PCDH19: variants seen among roughly 807,000 people sequenced by gnomAD.
The protein encoded by PCDH19 is protocadherin-19.
PCDH19 carries 6 observed loss-of-function variants against 46.2 expected under a neutral mutation model. The observed-to-expected ratio is 0.13, with a 90% confidence interval of 0.07 to 0.26. The LOEUF is 0.26. PCDH19 is among the 10% of genes least tolerant of loss of function. The pLI is 1.00. For missense variants in PCDH19, 740 were observed against 972.3 expected (o/e 0.76, Z 3.18); for synonymous variants, 481 against 415.7 (o/e 1.16, Z -1.91).
intron 5 of PCDH19, among the ~76,000 whole-genome samples, chrX:100,340,258 T>C (rs1453429864): frequency 8.9e-6 from 1 of 112,135 alleles, no homozygotes; most frequent in Admixed American, 9.5e-5. Flanking sequence ...AGAAACACTC[T>C]CTCAGAAAAA....
At chrX:100,362,313 G>C (rs1442294830) in intron 3 of PCDH19, among the ~76,000 whole-genome samples, 1 of 111,523 alleles carries the variant, frequency 9.0e-6, no homozygotes, top group Non-Finnish European at 1.9e-5. Context: ...CTATTTGATA[G>C]CAAAGAAACA....
chrX:100,404,123 A>C, intron 1 of PCDH19, among the ~76,000 whole-genome samples: 1 of 111,967 alleles, frequency 8.9e-6, no homozygotes, highest in Middle Eastern at 4.6e-3. Context: ...TAGAAAAAGA[A>C]ACCTCTGCCT....
chrX:100,362,732 G>C (rs989847841), intron 3 of PCDH19, among the ~76,000 whole-genome samples: 1 of 107,357 alleles, frequency 9.3e-6, no homozygotes, highest in Non-Finnish European at 1.9e-5. Context: ...AGGAGGCAGG[G>C]CTTGCAGTGA....
chrX:100,311,225 G>A (rs1925123179), intron 5 of PCDH19, among the ~76,000 whole-genome samples: 1 of 111,294 alleles, frequency 9.0e-6, no homozygotes, highest in Non-Finnish European at 1.9e-5. Context: ...TGGAAAATAA[G>A]GAAACTGCTA....
At chrX:100,382,019 G>A (rs1348946699) in intron 3 of PCDH19, among the ~76,000 whole-genome samples, 1 of 110,057 alleles carries the variant, frequency 9.1e-6, no homozygotes, top group African/African-American at 3.3e-5. Context: ...AGCCTGTACT[G>A]AAATGAACAG....
chrX:100,320,570 C>T (rs1225914000), intron 5 of PCDH19, among the ~76,000 whole-genome samples: 2 of 111,156 alleles, frequency 1.8e-5, no homozygotes, highest in African/African-American at 3.3e-5. Context: ...ACCAAAATGC[C>T]CATATAGTAC....
At chrX:100,312,508 C>T (rs1242273367) in intron 5 of PCDH19, among the ~76,000 whole-genome samples, 1 of 111,481 alleles carries the variant, frequency 9.0e-6, no homozygotes, top group Admixed American at 9.5e-5. Flanking sequence ...GATTCTTTTT[C>T]CATTTGTCCG....
At chrX:100,405,590 A>C in intron 1 of PCDH19, among the ~76,000 whole-genome samples, 1 of 82,400 alleles carries the variant, frequency 1.2e-5, no homozygotes, top group African/African-American at 5.0e-5. Context: ...ACAGACACAC[A>C]CACATCCTTC....
intron 3 of PCDH19, among the ~76,000 whole-genome samples, chrX:100,378,962 C>T (rs1043875816): frequency 5.4e-5 from 6 of 111,416 alleles, no homozygotes; most frequent in Non-Finnish European, 9.4e-5. Context: ...ACATGGATCA[C>T]TCTCTGCAGC....
chrX:100,356,009 C>CTTTAA (rs912756085), intron 3 of PCDH19, among the ~76,000 whole-genome samples: 4 of 108,100 alleles, frequency 3.7e-5, no homozygotes, highest in African/African-American at 1.4e-4. Context: ...GAAGGAAGCC[C>CTTTAA]AATAAATGCA....
chrX:100,348,083 A>AAAAGAAAG (rs1254722519), intron 4 of PCDH19, among the ~76,000 whole-genome samples: 2 of 106,538 alleles, frequency 1.9e-5, no homozygotes, highest in African/African-American at 7.0e-5. Context: ...AAAAAAAAAA[A>AAAAGAAAG]AAAGAAAGAA....
chrX:100,391,033 G>A (rs1927847170), intron 3 of PCDH19, among the ~76,000 whole-genome samples: 1 of 111,945 alleles, frequency 8.9e-6, no homozygotes, highest in Admixed American at 9.5e-5. Flanking sequence ...TGCATTAGAA[G>A]TTGCATAATT....
chrX:100,405,562 T>TCCC (rs376813599), intron 1 of PCDH19, among the ~76,000 whole-genome samples: 69 of 58,205 alleles, frequency 1.2e-3, no homozygotes, highest in Non-Finnish European at 1.4e-3. Context: ...TCTCTCTCCC[T>TCCC]CCCCCCCCCA....
At chrX:100,334,926 A>G (rs1056526011) in intron 5 of PCDH19, among the ~76,000 whole-genome samples, 20 of 110,730 alleles carry the variant, frequency 1.8e-4, no homozygotes, top group African/African-American at 5.9e-4. Flanking sequence ...TAGATATGCT[A>G]TAACACAATA....
chrX:100,294,129 A>G lies in PCDH19; in HGVS notation c.*2148T>C, dbSNP rs1426946676. On this transcript the variant is annotated 3_prime_UTR_variant, in exon 6 of 6. Transcript: ENST00000373034. ...TAACTTAAAGGGGAAATTTTTAAAA[A>G]ATTTTTAATGTGTTAATCAAATAGT... 1 of 112,193 alleles carries G rather than the reference A, an allele frequency of 8.9e-6. No individual in the cohort carries two copies. The highest frequency in any genetic ancestry group is 1.9e-5 in the Non-Finnish European group (1 of 53,257). The allele number at this position is 112,193 out of a possible 1,213,427, so 9.2% of individuals were successfully genotyped here. A position where few individuals can be genotyped will look rare whatever the true frequency, so the allele number is the denominator to read the frequency against.
chrX:100,408,768 G>A lies in PCDH19; in HGVS notation c.-171C>T, dbSNP rs1928495305. On this transcript the variant is annotated 5_prime_UTR_variant, in exon 1 of 6. Transcript: ENST00000373034. ...GCCCGGCGGCGCGCGGGGGACACCCGCGGCGGCTCCAATGCTGAGGTTGCG... is the reference window on the plus strand; with the variant it reads ...GCCCGGCGGCGCGCGGGGGACACCCACGGCGGCTCCAATGCTGAGGTTGCG... The A allele has an allele frequency of 4.4e-6, 1 of 227,703 alleles. No homozygotes were observed. The highest frequency in any genetic ancestry group is 7.5e-6 in the Non-Finnish European group (1 of 133,345). 18.8% of individuals were successfully genotyped at this position (227,703 alleles called of 1,213,427 possible). A position where few individuals can be genotyped will look rare whatever the true frequency, so the allele number is the denominator to read the frequency against.
intron 5 of PCDH19, among the ~76,000 whole-genome samples, chrX:100,298,562 A>G (rs750436177): frequency 8.9e-6 from 1 of 111,890 alleles, no homozygotes; most frequent in Non-Finnish European, 1.9e-5. Context: ...AACATCATGA[A>G]CAGGGAAAGT....
chrX:100,313,431 C>A (rs1925192076), intron 5 of PCDH19, among the ~76,000 whole-genome samples: 1 of 111,417 alleles, frequency 9.0e-6, no homozygotes, highest in Non-Finnish European at 1.9e-5. Context: ...GAAGGGTGCA[C>A]ACATGTTTAA....
chrX:100,346,336 G>A (rs1926398442), intron 4 of PCDH19, among the ~76,000 whole-genome samples: 1 of 112,279 alleles, frequency 8.9e-6, no homozygotes, highest in Admixed American at 9.5e-5. Context: ...AATGATATCT[G>A]AGGCTAAGAA....
Sources: gnomAD v4.1 joint callset for allele counts (sites outside exome capture counted in the v4.1 genomes callset) on GRCh38, gnomAD v4.1.1 for gene constraint, MANE v1.5 for transcripts, NCBI Gene and HGNC (gene_info 2026-07-23, HGNC 2026-07-21) for gene names.